Variants in MYOF observed in about 807,000 individuals in gnomAD.
The protein encoded by MYOF is myoferlin.
A neutral mutation model predicts 284.2 loss-of-function variants in MYOF; 244 were observed. The ratio of observed to expected loss-of-function variants is 0.86; its 90% CI spans 0.77 to 0.95. MYOF has a LOEUF of 0.95. Among genes scored for constraint, MYOF ranks in the 40% least tolerant of loss-of-function variants. The probability of loss-of-function intolerance (pLI) is 0.00; values close to 1 mark genes in which losing one functional copy is unlikely to be tolerated. For missense variants in MYOF, 2,496 were observed against 2,560.6 expected (o/e 0.97, Z 0.54); for synonymous variants, 904 against 919.7 (o/e 0.98, Z 0.31).
At chr10:93,351,109 C>A in intron 35 of MYOF, 88 bp downstream of exon 35, 1 of 1,374,092 alleles carries the variant, frequency 7.3e-7, no homozygotes, top group Admixed American at 1.9e-5. Flanking sequence ...AGAAAATATG[C>A]AGCAGGATTC....
chr10:93,393,209 G>C lies in MYOF; in HGVS notation c.1418-254C>G, dbSNP rs11187411. 2.6e-5 allele frequency among the ~76,000 whole-genome samples: 4 copies of C among 152,340 alleles called. No individual in the cohort carries two copies. In the East Asian group the frequency reaches 5.8e-4, roughly 22 times the overall value. On this transcript the variant is annotated intron_variant, in intron 16 of 53. Coordinates refer to ENST00000359263, the MANE Select transcript of MYOF (RefSeq NM_013451.4). ...CCAGCACCAAGGCAGCCAGGAAGCAGAAGAGCTAGCTTCCCGGGGACAGAG... is the reference window on the plus strand; with the variant it reads ...CCAGCACCAAGGCAGCCAGGAAGCACAAGAGCTAGCTTCCCGGGGACAGAG...
At chr10:93,332,255 C>T (rs978432116) in intron 43 of MYOF, among the ~76,000 whole-genome samples, 2 of 148,932 alleles carry the variant, frequency 1.3e-5, no homozygotes, top group African/African-American at 2.5e-5. Context: ...CGGAGTCTTG[C>T]TCTGTCGCCC....
At chr10:93,349,758 A>G in intron 36 of MYOF, 50 bp downstream of exon 36, 2 of 1,572,324 alleles carry the variant, frequency 1.3e-6, no homozygotes, top group Non-Finnish European at 1.7e-6. Flanking sequence ...TGAGGCACAT[A>G]CTTTCATATT....
intron 1 of MYOF, among the ~76,000 whole-genome samples, chr10:93,465,795 G>A (rs1014342743): frequency 2.6e-5 from 4 of 152,166 alleles, no homozygotes; most frequent in African/African-American, 4.8e-5. Flanking sequence ...GATTACAGGC[G>A]TGAGCCACCG....
chr10:93,333,516 G>T (rs1334109573), intron 42 of MYOF, among the ~76,000 whole-genome samples: 1 of 135,170 alleles, frequency 7.4e-6, no homozygotes, highest in East Asian at 2.0e-4. Context: ...TGGTGGCAGG[G>T]GGCGGGGGGG....
chr10:93,310,568 C>T lies in MYOF; in HGVS notation c.5965G>A (p.Glu1989Lys), dbSNP rs756750552. ...DERPAGKGRDEPNMNPKLDLP... is the reference protein window; with the variant it reads ...DERPAGKGRDKPNMNPKLDLP... ...TCCAGCTTGGGGTTCATGTTGGGTTCGTCCCGCCCCTTCCCGGCTGGCCTC... is the reference window on the plus strand; with the variant it reads ...TCCAGCTTGGGGTTCATGTTGGGTTTGTCCCGCCCCTTCCCGGCTGGCCTC... Residue 1989 changes from glutamate (E) to lysine (K), a missense_variant, in exon 52 of 54, where the codon GAA (glutamate) becomes AAA (lysine). Physicochemically the swap from Glu to Lys is moderately conservative, Grantham distance 56. This residue lies in a region of MYOF where 2,436 missense variants were observed against 2,480.7 expected (regional missense o/e 0.98). Coordinates refer to ENST00000359263, the MANE Select transcript of MYOF (RefSeq NM_013451.4). 7.4e-6 allele frequency: 12 copies of T among 1,614,094 alleles called. No homozygotes were observed. The East Asian group carries it at 1.1e-4, about 15-fold the overall frequency.
rs138116276 is a variant in MYOF at position 93,452,176 on chromosome 10, A to C, written c.145-35T>G. ...GAAAGGTTTTGAAAAAAGAGAAAAA[A>C]AAAGGCTGTTAGAAGGAGCAGAGAT... On this transcript the variant is annotated intron_variant, in intron 2 of 53. Transcript: ENST00000359263. 751 of 1,467,322 alleles carry C rather than the reference A, an allele frequency of 5.1e-4. 3 individuals are homozygous for C. In the African/African-American group the frequency reaches 9.5e-3, roughly 19 times the overall value. The allele number at this position is 1,467,322 out of a possible 1,614,324, so 90.9% of individuals were successfully genotyped here.
At chr10:93,388,884 T>G in intron 18 of MYOF, 146 bp downstream of exon 18, 10 of 1,076,380 alleles carry the variant, frequency 9.3e-6, no homozygotes, top group African/African-American at 1.6e-5. Flanking sequence ...CCCAGTGAGA[T>G]GATCTCCACA....
At chr10:93,338,913 AAAT>A (rs983713553) in intron 39 of MYOF, among the ~76,000 whole-genome samples, 5 of 150,726 alleles carry the variant, frequency 3.3e-5, no homozygotes, top group Non-Finnish European at 7.4e-5. Flanking sequence ...CCTACCTTGG[AAAT>A]AATAACGCCA....
At chr10:93,399,073 G>C (rs547730805) in intron 13 of MYOF, among the ~76,000 whole-genome samples, 2 of 152,308 alleles carry the variant, frequency 1.3e-5, no homozygotes, top group East Asian at 1.9e-4. Context: ...GGATGGGTGT[G>C]GCTGGCCAGA....
chr10:93,403,892 A>G (rs1268349936), intron 9 of MYOF, 131 bp downstream of exon 9: 2 of 948,792 alleles, frequency 2.1e-6, no homozygotes, highest in African/African-American at 3.3e-5. Context: ...AGCAGCCTTC[A>G]GCAAGTGTCA....
At chr10:93,474,182 A>G (rs2057210118) in intron 1 of MYOF, among the ~76,000 whole-genome samples, 1 of 152,126 alleles carries the variant, frequency 6.6e-6, no homozygotes, top group Non-Finnish European at 1.5e-5. Context: ...TCCTGGGATG[A>G]GCTCCATCTG....
intron 48 of MYOF, among the ~76,000 whole-genome samples, chr10:93,320,996 A>T (rs787680): frequency 0.75 from 113,590 of 151,556 alleles, 43,256 homozygotes; most frequent in East Asian, 0.91. Flanking sequence ...ACACGCAGAC[A>T]GAAAAGATTA....
chr10:93,427,477 G>T (rs1305841783), intron 4 of MYOF, among the ~76,000 whole-genome samples: 1 of 139,884 alleles, frequency 7.1e-6, no homozygotes, highest in African/African-American at 2.7e-5. Context: ...GTTGCAGTGA[G>T]CCAAGATCGT....
intron 1 of MYOF, 60 bp from the exon 2 acceptor site, chr10:93,456,997 C>G (rs957740022): frequency 1.6e-6 from 2 of 1,280,242 alleles, no homozygotes. Context: ...AGAGCGTGGG[C>G]CATTCATTTA....
Position 93,452,124 on chromosome 10 carries a change from C to CAA in MYOF, c.160_161dup (p.Leu54PhefsTer2). The CAA allele has an allele frequency of 6.2e-7, 1 of 1,607,680 alleles. No homozygotes were observed. On this transcript the variant is annotated frameshift_variant, in exon 3 of 54. Coordinates refer to ENST00000359263, the MANE Select transcript of MYOF (RefSeq NM_013451.4). LOFTEE classifies it high-confidence loss of function. ...ATGAAAAGTCCAGTGGTATACCCCT[C>CAA]AAGTCAAACTCCAAAATCTGTTCAC... is the stretch of plus-strand genomic sequence containing the variant.
At chr10:93,350,291 A>G (rs1477018858) in intron 35 of MYOF, among the ~76,000 whole-genome samples, 1 of 152,024 alleles carries the variant, frequency 6.6e-6, no homozygotes, top group Non-Finnish European at 1.5e-5. Flanking sequence ...TCATAGGGTT[A>G]TATTGATGAC....
In MYOF at chr10:93,460,782, A is replaced by AAG. The variant is rs1554871524; in HGVS notation, c.89-3846_89-3845insCT. Among the ~76,000 whole-genome samples the AAG allele has an allele frequency of 3.7e-3, 518 of 139,978 alleles. 18 individuals carry two copies. Among genetic ancestry groups the AAG allele is most frequent in the East Asian group, 8.1e-3 (38 of 4,692 alleles). The allele number at this position is 139,978 out of a possible 152,430, so 91.8% of individuals were successfully genotyped here. A position where few individuals can be genotyped will look rare whatever the true frequency, so the allele number is the denominator to read the frequency against. ...ACCCCATCTCCAAAAAAAAAAAAAAAAAAGAAAGAAAAAGAAAAAAAAAGT... is the reference window on the plus strand; with the variant it reads ...ACCCCATCTCCAAAAAAAAAAAAAAAAGAAAGAAAGAAAAAGAAAAAAAAAGT... On this transcript the variant is annotated intron_variant, in intron 1 of 53. Coordinates refer to ENST00000359263, the MANE Select transcript of MYOF (RefSeq NM_013451.4).
intron 45 of MYOF, 34 bp from the exon 46 acceptor site, chr10:93,325,999 G>C: frequency 1.2e-6 from 2 of 1,613,588 alleles, no homozygotes; most frequent in Non-Finnish European, 1.7e-6. Flanking sequence ...GCAGGAATGA[G>C]TATTTGGGAA....
Sources: allele counts gnomAD v4.1 joint callset (sites outside exome capture counted in the v4.1 genomes callset), GRCh38; gene constraint gnomAD v4.1.1; regional missense constraint gnomAD v4.1.1; transcripts MANE v1.5; gene names NCBI Gene and HGNC (gene_info 2026-07-23, HGNC 2026-07-21).